TEKT5: variants seen among roughly 807,000 people sequenced by gnomAD.
TEKT5 encodes the protein tektin 5, also known as tektin-5.
TEKT5 carries 52 observed loss-of-function variants against 48.7 expected under a neutral mutation model. The ratio of observed to expected loss-of-function variants is 1.07; its 90% CI spans 0.86 to 1.35. The LOEUF (loss-of-function observed/expected upper bound fraction) is 1.35, where lower values mean the gene tolerates loss of function less well. Among genes scored for constraint, TEKT5 ranks in the 40% most tolerant of loss-of-function variants. The pLI is 0.00. For synonymous variants in TEKT5, 318 were observed against 267.6 expected, an observed-to-expected ratio of 1.19 and a Z score of -1.84; for missense variants, 831 against 641.6, an observed-to-expected ratio of 1.30 and a Z score of -3.19.
At chr16:10,689,652 G>A (rs961244805) in intron 2 of TEKT5, among the ~76,000 whole-genome samples, 1 of 151,720 alleles carries the variant, frequency 6.6e-6, no homozygotes, top group Non-Finnish European at 1.5e-5. Flanking sequence ...ATATGATGTG[G>A]TACAGCCTAT....
chr16:10,659,881 T>C (rs1030680044), intron 5 of TEKT5, among the ~76,000 whole-genome samples: 5 of 152,092 alleles, frequency 3.3e-5, no homozygotes, highest in African/African-American at 7.2e-5. Context: ...GTAGAGGTGG[T>C]GGTTGTACAA....
intron 5 of TEKT5, among the ~76,000 whole-genome samples, chr16:10,665,931 G>C (rs921839820): frequency 1.1e-4 from 16 of 152,178 alleles, no homozygotes; most frequent in African/African-American, 3.9e-4. Flanking sequence ...ACCAAGCCCA[G>C]CACCTACAGG....
intron 5 of TEKT5, among the ~76,000 whole-genome samples, chr16:10,636,690 CGTGT>C (rs34623422): frequency 0.087 from 12,585 of 145,194 alleles, 587 homozygotes; most frequent in East Asian, 0.16. Flanking sequence ...TACATACATA[CGTGT>C]GTGTGTGTGT....
At chr16:10,682,612 G>C (rs7501403) in intron 3 of TEKT5, among the ~76,000 whole-genome samples, 13 of 152,196 alleles carry the variant, frequency 8.5e-5, no homozygotes, top group Admixed American at 6.5e-5. Context: ...ACAGGCATAA[G>C]CCACCACACC....
At chr16:10,650,127 A>T (rs1898131094) in intron 5 of TEKT5, among the ~76,000 whole-genome samples, 1 of 151,660 alleles carries the variant, frequency 6.6e-6, no homozygotes. Flanking sequence ...GCTGGAGTGC[A>T]GTGGCGCAAT....
chr16:10,647,930 T>C (rs1898096315), intron 5 of TEKT5, among the ~76,000 whole-genome samples: 1 of 152,254 alleles, frequency 6.6e-6, no homozygotes, highest in Non-Finnish European at 1.5e-5. Flanking sequence ...GAGTGGACAT[T>C]CTGCTGGACT....
At chr16:10,643,267 T>C (rs1898021461) in intron 5 of TEKT5, among the ~76,000 whole-genome samples, 1 of 151,942 alleles carries the variant, frequency 6.6e-6, no homozygotes, top group Non-Finnish European at 1.5e-5. Flanking sequence ...TAGTCCTAGC[T>C]AGTCAGAAGG....
intron 6 of TEKT5, among the ~76,000 whole-genome samples, chr16:10,635,546 G>T (rs1179449723): frequency 1.3e-5 from 2 of 152,080 alleles, no homozygotes; most frequent in African/African-American, 2.4e-5. Flanking sequence ...CACAGGGTGG[G>T]GCTCCCAGTG....
chr16:10,660,500 C>G (rs140284890), intron 5 of TEKT5, among the ~76,000 whole-genome samples: 23 of 152,286 alleles, frequency 1.5e-4, no homozygotes, highest in Non-Finnish European at 2.8e-4. Flanking sequence ...GACCCCCACT[C>G]AGAACCCCTG....
intron 3 of TEKT5, among the ~76,000 whole-genome samples, chr16:10,685,752 T>A (rs1466087904): frequency 6.6e-6 from 1 of 152,160 alleles, no homozygotes; most frequent in Non-Finnish European, 1.5e-5. Flanking sequence ...TCTCTTCATG[T>A]CTCTGTCTCT....
At position 10,645,024 on chromosome 16, in the gene TEKT5, A is replaced by G. The variant is rs1409459295; in HGVS notation, c.1087-9106T>C. The stretch of plus-strand genomic sequence containing the variant: ...TGAAGAAATACAAAGGCTGTCTACA[A>G]CCCGGAAGAGGGCCCTCACCAGAAC... On this transcript the variant is annotated intron_variant, in intron 5 of 6. Coordinates refer to ENST00000283025, the MANE Select transcript of TEKT5 (RefSeq NM_144674.2). Among the ~76,000 whole-genome samples, 4 of 152,236 alleles carry G rather than the reference A, an allele frequency of 2.6e-5. No homozygotes were observed. In the South Asian group the frequency reaches 6.2e-4, roughly 24 times the overall value.
At chr16:10,635,965 C>T in intron 5 of TEKT5, 47 bp from the exon 6 acceptor site, 1 of 1,600,800 alleles carries the variant, frequency 6.2e-7, no homozygotes, top group Admixed American at 1.7e-5. Context: ...CCCTTCTGAC[C>T]TCCTCTGACT....
intron 5 of TEKT5, among the ~76,000 whole-genome samples, chr16:10,642,995 AATG>A (rs1898016773): frequency 1.3e-5 from 2 of 152,224 alleles, no homozygotes; most frequent in South Asian, 4.1e-4. Context: ...AACACAAAGA[AATG>A]ATGTTTGAGA....
chr16:10,682,374 T>G (rs1196349885), intron 3 of TEKT5, among the ~76,000 whole-genome samples: 1 of 152,078 alleles, frequency 6.6e-6, no homozygotes, highest in African/African-American at 2.4e-5. Context: ...GTCACCCAGG[T>G]TGGAGTGCAG....
chr16:10,668,234 G>A (rs539604355), intron 5 of TEKT5, among the ~76,000 whole-genome samples: 1 of 152,142 alleles, frequency 6.6e-6, no homozygotes, highest in Non-Finnish European at 1.5e-5. Flanking sequence ...AAGCTTCTAA[G>A]CCTGAGGCCT....
chr16:10,644,269 A>G, intron 5 of TEKT5, among the ~76,000 whole-genome samples: 1 of 152,162 alleles, frequency 6.6e-6, no homozygotes, highest in East Asian at 1.9e-4. Context: ...TACTATTCCC[A>G]TTGCACATAT....
intron 5 of TEKT5, among the ~76,000 whole-genome samples, chr16:10,649,741 T>C (rs1238507529): frequency 6.6e-6 from 1 of 152,150 alleles, no homozygotes; most frequent in East Asian, 1.9e-4. Flanking sequence ...CGGCCTATTT[T>C]TTGAAATTTT....
At chr16:10,632,725 G>A (rs536211801) in intron 6 of TEKT5, among the ~76,000 whole-genome samples, 1 of 152,120 alleles carries the variant, frequency 6.6e-6, no homozygotes, top group Non-Finnish European at 1.5e-5. Context: ...CCAAAGGCAG[G>A]AATGGAGAGG....
At chr16:10,687,480 T>G (rs1898883250) in intron 3 of TEKT5, among the ~76,000 whole-genome samples, 1 of 152,252 alleles carries the variant, frequency 6.6e-6, no homozygotes, top group South Asian at 2.1e-4. Flanking sequence ...GCGCAGTGAC[T>G]CATGCCTATA....
Sources: gnomAD v4.1 joint callset for allele counts (sites outside exome capture counted in the v4.1 genomes callset) on GRCh38, gnomAD v4.1.1 for gene constraint, MANE v1.5 for transcripts, NCBI Gene and HGNC (gene_info 2026-07-23, HGNC 2026-07-21) for gene names.